The following BRSK2 variants were observed in gnomAD, a reference collection of about 807,000 sequenced individuals.
BRSK2 encodes BR serine/threonine kinase 2.
BRSK2 carries 19 observed loss-of-function variants against 83.3 expected under a neutral mutation model. The ratio of observed to expected loss-of-function variants is 0.23; its 90% CI spans 0.16 to 0.33. The LOEUF (loss-of-function observed/expected upper bound fraction) is 0.33, where lower values mean the gene tolerates loss of function less well. BRSK2 is among the 10% of genes least tolerant of loss of function. The pLI, the probability that BRSK2 is intolerant of heterozygous loss-of-function variation, is 1.00. For missense variants in BRSK2, 798 were observed against 1,042.3 expected (o/e 0.77, Z 3.23); for synonymous variants, 519 against 435.4 (o/e 1.19, Z -2.39).
At chr11:1,392,939 G>A (rs967163845) in intron 1 of BRSK2, among the ~76,000 whole-genome samples, 16 of 152,150 alleles carry the variant, frequency 1.1e-4, no homozygotes. Context: ...GGCACCAGGT[G>A]AAGCCGTCAG....
intron 1 of BRSK2, among the ~76,000 whole-genome samples, chr11:1,409,012 G>C (rs1355982526): frequency 3.9e-5 from 6 of 152,068 alleles, no homozygotes; most frequent in Non-Finnish European, 8.8e-5. Context: ...GTGTGCATAT[G>C]TGTCTGCCTA....
chr11:1,436,616 T>C (rs1259637965), intron 2 of BRSK2, among the ~76,000 whole-genome samples: 1 of 152,048 alleles, frequency 6.6e-6, no homozygotes, highest in East Asian at 1.9e-4. Flanking sequence ...GTGGAGGGTT[T>C]CTGGGCTGTG....
At chr11:1,402,964 T>C (rs1269995423) in intron 1 of BRSK2, among the ~76,000 whole-genome samples, 1 of 151,976 alleles carries the variant, frequency 6.6e-6, no homozygotes, top group Non-Finnish European at 1.5e-5. Context: ...AGTGCACAGA[T>C]GAGCGCCCTC....
rs772999445 is a variant in BRSK2 at position 1,454,631 on chromosome 11, G to T, written c.1668+23G>T. 19 of 1,611,232 alleles carry T rather than the reference G, an allele frequency of 1.2e-5. No homozygotes were observed. Among genetic ancestry groups the T allele is most frequent in the Non-Finnish European group, 1.5e-5 (18 of 1,179,566 alleles). ...TCGGTGAGGCCACAGGGCGCTGGGGGAGGCGGGCAGCCCTCCCAACCCCAC... is the reference window on the plus strand; with the variant it reads ...TCGGTGAGGCCACAGGGCGCTGGGGTAGGCGGGCAGCCCTCCCAACCCCAC... On this transcript the variant is annotated intron_variant, in intron 16 of 19. Coordinates refer to ENST00000528841, the MANE Select transcript of BRSK2 (RefSeq NM_001256627.2). This position sits in a 1 kb window ranked among gnomAD's most constrained non-coding sequence, Gnocchi z 5.2.
chr11:1,440,945 G>A lies in BRSK2; in HGVS notation c.413+17G>A, dbSNP rs373553841. On this transcript the variant is annotated intron_variant, in intron 4 of 19. Coordinates refer to ENST00000528841, the MANE Select transcript of BRSK2 (RefSeq NM_001256627.2). ...CTCCATATGGTGAGGCCCCACCCCT[G>A]GTGCCCCCCACTCCCCAGGGACCCC... 18 of 1,601,166 alleles carry A rather than the reference G, an allele frequency of 1.1e-5. No homozygotes were observed. Among genetic ancestry groups the A allele is most frequent in the Middle Eastern group, 2.0e-4 (1 of 4,908 alleles).
rs1250227169 is a variant in BRSK2, at chr11:1,423,459, G to T, written c.92-12581G>T. 1.3e-5 allele frequency among the ~76,000 whole-genome samples: 2 copies of T among 152,122 alleles called. No homozygotes were observed. The highest frequency in any genetic ancestry group is 2.9e-5 in the Non-Finnish European group (2 of 68,014). On this transcript the variant is annotated intron_variant, in intron 1 of 19. Transcript: ENST00000528841. This position sits in a 1 kb window ranked among gnomAD's most constrained non-coding sequence, Gnocchi z 6.5. ...GTAGGGGTGTGCTGTGGCCACAGTG[G>T]TTCTGGAATTTGAGGTGCCTTAGGA...
At chr11:1,408,641 C>T (rs1847084045) in intron 1 of BRSK2, among the ~76,000 whole-genome samples, 1 of 152,174 alleles carries the variant, frequency 6.6e-6, no homozygotes, top group African/African-American at 2.4e-5. Context: ...TGGCACAGGT[C>T]AGGGTTCACG....
rs1428496176 is a variant in BRSK2, at chr11:1,460,611, C to T, written c.2099C>T (p.Pro700Leu). Reference sequence around the variant, plus strand: ...CCCGCCAAGCGGAGTGCCCACGGCCCACTCGGTGACTCCGCGGCCGCTGGC... The same window carrying T: ...CCCGCCAAGCGGAGTGCCCACGGCCTACTCGGTGACTCCGCGGCCGCTGGC... ...STPAKRSAHGPLGDSAAAGPG... is the reference protein window; with the variant it reads ...STPAKRSAHGLLGDSAAAGPG... Residue 700 changes from proline (P) to leucine (L), a missense_variant, in exon 20 of 20, where the codon CCA becomes CTA. Pro to Leu is a moderately conservative substitution (Grantham distance 98). This residue lies in a region of BRSK2 where 455 missense variants were observed against 455.2 expected (regional missense o/e 1.00). Coordinates refer to ENST00000528841, the MANE Select transcript of BRSK2 (RefSeq NM_001256627.2). The T allele has an allele frequency of 4.6e-6, 7 of 1,531,674 alleles. No homozygotes were observed. Among genetic ancestry groups the T allele is most frequent in the Non-Finnish European group, 5.2e-6 (6 of 1,144,250 alleles). The allele number at this position is 1,531,674 out of a possible 1,614,324, so 94.9% of individuals were successfully genotyped here.
chr11:1,405,527 G>A (rs567330640), intron 1 of BRSK2, among the ~76,000 whole-genome samples: 19 of 152,172 alleles, frequency 1.2e-4, no homozygotes, highest in South Asian at 8.3e-4. Flanking sequence ...TACAGGCAGC[G>A]AGCTGCCAGC....
chr11:1,397,381 C>T (rs1202962490), intron 1 of BRSK2, among the ~76,000 whole-genome samples: 2 of 152,224 alleles, frequency 1.3e-5, no homozygotes, highest in Non-Finnish European at 2.9e-5. Flanking sequence ...GTTCTACCGC[C>T]TCTGAGGGGC....
intron 1 of BRSK2, among the ~76,000 whole-genome samples, chr11:1,433,719 A>T (rs1484903812): frequency 2.6e-5 from 4 of 152,206 alleles, no homozygotes; most frequent in African/African-American, 9.6e-5. Context: ...GGCCCTCCTG[A>T]GTGCTCCTCC....
chr11:1,393,958 T>C (rs1413178402), intron 1 of BRSK2, among the ~76,000 whole-genome samples: 96 of 79,336 alleles, frequency 1.2e-3, no homozygotes, highest in Middle Eastern at 0.01. Context: ...TGGAGATGGG[T>C]CCTGGAGATG....
chr11:1,425,853 T>C (rs1430263713), intron 1 of BRSK2, among the ~76,000 whole-genome samples: 1 of 151,696 alleles, frequency 6.6e-6, no homozygotes, highest in Non-Finnish European at 1.5e-5. Flanking sequence ...TGGGAAGAGG[T>C]GTGGGGCAGG....
In BRSK2 at chr11:1,454,464, C is replaced by T. The variant is rs1170392857; in HGVS notation, c.1545-21C>T. On this transcript the variant is annotated intron_variant, in intron 15 of 19. Coordinates refer to ENST00000528841, the MANE Select transcript of BRSK2 (RefSeq NM_001256627.2). The surrounding 1 kb of genome is among the most constrained non-coding windows in gnomAD (Gnocchi z 5.2). Reference sequence around the variant, plus strand: ...CGGTGCCACACCTCAATCCTCACAGCCTCTGTCTCCCACTGCCCAGGCTGG... The same window carrying T: ...CGGTGCCACACCTCAATCCTCACAGTCTCTGTCTCCCACTGCCCAGGCTGG... 1 of 1,612,448 alleles carries T rather than the reference C, an allele frequency of 6.2e-7. No individual in the cohort carries two copies. The highest frequency in any genetic ancestry group is 1.1e-5 in the South Asian group (1 of 91,048).
chr11:1,447,415 C>T (rs1321351472), intron 12 of BRSK2, among the ~76,000 whole-genome samples: 1 of 152,212 alleles, frequency 6.6e-6, no homozygotes, highest in Non-Finnish European at 1.5e-5. Flanking sequence ...CTGCCTGGGG[C>T]AGGTGTGGGA....
rs1325248763 is a variant in BRSK2, at chr11:1,445,324, G to T, written c.843G>T (p.Gln281His). ...GCAAGAATGAGCCCGAACCAGAGCA[G>T]CCCATTCCTCGCAAGGTGCAGATCC... ...IGGKNEPEPE[Q>H]PIPRKVQIRS... Residue 281 changes from glutamine to histidine, a missense_variant, in exon 10 of 20, where the codon CAG becomes CAT. Around this residue, in one of 6 missense-constraint regions of BRSK2, gnomAD observed 145 missense variants for 225.4 expected, o/e 0.64. Transcript: ENST00000528841. 1 of 1,611,196 alleles carries T rather than the reference G, an allele frequency of 6.2e-7. No homozygotes were observed. The highest frequency in any genetic ancestry group is 1.3e-5 in the African/African-American group (1 of 74,910).
At chr11:1,405,180 C>T (rs1846783129) in intron 1 of BRSK2, among the ~76,000 whole-genome samples, 1 of 151,976 alleles carries the variant, frequency 6.6e-6, no homozygotes, top group South Asian at 2.1e-4. Flanking sequence ...CAGCCCTGGG[C>T]CAGTCAGTGG....
rs11025206 is a variant in BRSK2, at chr11:1,396,257, C to T, written c.91+5882C>T. Among the ~76,000 whole-genome samples, 719 of 119,834 alleles carry T rather than the reference C, an allele frequency of 6.0e-3. 13 individuals carry two copies. Among genetic ancestry groups the T allele is most frequent in the African/African-American group, 0.015 (343 of 23,588 alleles). 78.6% of individuals were successfully genotyped at this position (119,834 alleles called of 152,430 possible). A position where few individuals can be genotyped will look rare whatever the true frequency, so the allele number is the denominator to read the frequency against. On this transcript the variant is annotated intron_variant, in intron 1 of 19. Transcript: ENST00000528841. ...CCACCCACGTCCCCCACTCCTGGTC[C>T]CTCTTCCCTTCCACCCACGTCCCCC... is the stretch of plus-strand genomic sequence containing the variant.
chr11:1,399,859 G>A (rs1245219963), intron 1 of BRSK2, among the ~76,000 whole-genome samples: 2 of 152,042 alleles, frequency 1.3e-5, no homozygotes, highest in Non-Finnish European at 2.9e-5. Flanking sequence ...TGTGGTTCCC[G>A]AGGCTTTTCT....
Sources: gnomAD v4.1 joint callset for allele counts (sites outside exome capture counted in the v4.1 genomes callset) on GRCh38, gnomAD v4.1.1 for gene constraint, gnomAD v4.1.1 regional missense constraint, Gnocchi (gnomAD v3.1) non-coding constraint, MANE v1.5 for transcripts, NCBI Gene and HGNC (gene_info 2026-07-23, HGNC 2026-07-21) for gene names.